Variants in WWC2 observed in about 807,000 individuals in gnomAD.
WWC2 encodes the protein protein WWC2.
WWC2 carries 101 observed loss-of-function variants against 138.5 expected under a neutral mutation model. That is an observed-to-expected ratio of 0.73 (90% CI 0.62 to 0.86). The LOEUF is 0.86. Ranked by LOEUF, WWC2 falls within the 40% of genes least tolerant of loss-of-function variation. The pLI, the probability that WWC2 is intolerant of heterozygous loss-of-function variation, is 0.00. For synonymous variants in WWC2, 558 were observed against 538.4 expected (o/e 1.04, Z -0.50); for missense variants, 1,420 against 1,419.4 (o/e 1.00, Z -0.01).
intron 4 of WWC2, among the ~76,000 whole-genome samples, 190 bp from the exon 5 acceptor site, chr4:183,239,993 C>G (rs887665464): frequency 6.6e-6 from 1 of 152,212 alleles, no homozygotes; most frequent in African/African-American, 2.4e-5. Flanking sequence ...ATACACATCA[C>G]TGATAGTTTT....
rs371427109 is a variant in WWC2, at chr4:183,208,154, G to A, written c.443G>A (p.Ser148Asn). 1.4e-5 allele frequency: 22 copies of A among 1,613,484 alleles called. No individual in the cohort carries two copies. Among genetic ancestry groups the A allele is most frequent in the Non-Finnish European group, 1.8e-5 (21 of 1,179,622 alleles). The change falls in exon 3 of 23, where the codon AGC (serine) becomes AAC (asparagine). Residue 148 changes from serine to asparagine, a missense_variant and splice_region_variant. Ser to Asn is a conservative substitution (Grantham distance 46). Coordinates refer to ENST00000403733, the MANE Select transcript of WWC2 (RefSeq NM_024949.6). Reference sequence around the variant, plus strand: ...AAGGAAAAGTCAAGTTCTCACACAAGCTGTAAGTACAGTGTGGCTATTCAG... The same window carrying A: ...AAGGAAAAGTCAAGTTCTCACACAAACTGTAAGTACAGTGTGGCTATTCAG... ...AYKEKSSSHT[S>N]LFSGSSSSTK...
At chr4:183,142,035 A>G (rs1179085633) in intron 1 of WWC2, among the ~76,000 whole-genome samples, 2 of 152,220 alleles carry the variant, frequency 1.3e-5, no homozygotes, top group East Asian at 3.8e-4. Flanking sequence ...AGCTATGGTA[A>G]TTGTTGAGGA....
chr4:183,144,565 C>T (rs1733395743), intron 1 of WWC2, among the ~76,000 whole-genome samples: 1 of 152,022 alleles, frequency 6.6e-6, no homozygotes, highest in Admixed American at 6.6e-5. Flanking sequence ...ATTGCTAAAT[C>T]GTTATTTTGA....
intron 1 of WWC2, among the ~76,000 whole-genome samples, chr4:183,178,719 A>G (rs895086728): frequency 2.8e-4 from 42 of 152,298 alleles, no homozygotes; most frequent in East Asian, 1.9e-3. Flanking sequence ...AGCTTGCTGC[A>G]TGGAAGCTCG....
At chr4:183,228,427 A>G (rs1462779449) in intron 4 of WWC2, among the ~76,000 whole-genome samples, 2 of 152,120 alleles carry the variant, frequency 1.3e-5, no homozygotes, top group African/African-American at 2.4e-5. Flanking sequence ...TATTTAATTA[A>G]TGTATACAAC....
chr4:183,285,201 G>C (rs1256415583), intron 19 of WWC2, among the ~76,000 whole-genome samples: 2 of 152,030 alleles, frequency 1.3e-5, no homozygotes, highest in Non-Finnish European at 2.9e-5. Context: ...CAGGGGGTTG[G>C]GGGTGATACG....
intron 1 of WWC2, among the ~76,000 whole-genome samples, chr4:183,147,808 A>G (rs1733505077): frequency 6.6e-6 from 1 of 152,360 alleles, no homozygotes; most frequent in African/African-American, 2.4e-5. Flanking sequence ...AAAACATAAA[A>G]GCATATCAAG....
At chr4:183,279,380 G>C (rs1213622194) in intron 16 of WWC2, among the ~76,000 whole-genome samples, 5 of 151,810 alleles carry the variant, frequency 3.3e-5, no homozygotes, top group African/African-American at 9.7e-5. Context: ...CGTTTTGCCA[G>C]TATTTTATTG....
At chr4:183,289,705 AC>A in intron 21 of WWC2, 70 bp downstream of exon 21, 9 of 1,558,288 alleles carry the variant, frequency 5.8e-6, no homozygotes, top group Non-Finnish European at 7.8e-6. Flanking sequence ...TGTAGAAGGT[AC>A]CCAACTTACA....
chr4:183,103,260 G>A (rs1743236875), intron 1 of WWC2, among the ~76,000 whole-genome samples: 1 of 151,526 alleles, frequency 6.6e-6, no homozygotes, highest in Non-Finnish European at 1.5e-5. Flanking sequence ...TATCATTGAT[G>A]TCACAGTTAA....
chr4:183,303,096 T>G (rs1369067769), intron 21 of WWC2, among the ~76,000 whole-genome samples: 1 of 151,274 alleles, frequency 6.6e-6, no homozygotes, highest in Non-Finnish European at 1.5e-5. Context: ...TGTGTATCTG[T>G]CAGATGGAGA....
chr4:183,260,617 A>G (rs541181395), intron 10 of WWC2, among the ~76,000 whole-genome samples: 8 of 152,232 alleles, frequency 5.3e-5, no homozygotes, highest in Non-Finnish European at 8.8e-5. Flanking sequence ...CCTGGGAGCA[A>G]TAGGCTATAC....
intron 1 of WWC2, among the ~76,000 whole-genome samples, chr4:183,102,996 C>T (rs1434190312): frequency 6.6e-6 from 1 of 151,810 alleles, no homozygotes; most frequent in Non-Finnish European, 1.5e-5. Flanking sequence ...GTTGGCTTTA[C>T]CAACTCCCAG....
chr4:183,160,085 C>A (rs534729013), intron 1 of WWC2, among the ~76,000 whole-genome samples: 1 of 152,168 alleles, frequency 6.6e-6, no homozygotes, highest in African/African-American at 2.4e-5. Context: ...TTATTAACTG[C>A]GTAAAGTACA....
intron 2 of WWC2, among the ~76,000 whole-genome samples, chr4:183,195,854 G>A (rs1735127240): frequency 6.6e-6 from 1 of 152,048 alleles, no homozygotes; most frequent in Non-Finnish European, 1.5e-5. Flanking sequence ...GGGCACCCGA[G>A]ACCCCACGAT....
chr4:183,176,220 A>G (rs765349423), intron 1 of WWC2, among the ~76,000 whole-genome samples: 1 of 152,190 alleles, frequency 6.6e-6, no homozygotes, highest in East Asian at 1.9e-4. Flanking sequence ...TAAAAATTCA[A>G]TCGTATGTTT....
At chr4:183,227,056 C>G (rs1736095610) in intron 4 of WWC2, among the ~76,000 whole-genome samples, 1 of 151,994 alleles carries the variant, frequency 6.6e-6, no homozygotes, top group Non-Finnish European at 1.5e-5. Context: ...GTCACTAAAC[C>G]TTCAGTGTAA....
chr4:183,222,609 G>A (rs1418458119), intron 4 of WWC2, among the ~76,000 whole-genome samples: 1 of 152,044 alleles, frequency 6.6e-6, no homozygotes, highest in Non-Finnish European at 1.5e-5. Context: ...GTAGGAGGGG[G>A]AACAAGAGAG....
At chr4:183,157,827 C>G (rs1416088502) in intron 1 of WWC2, among the ~76,000 whole-genome samples, 1 of 141,820 alleles carries the variant, frequency 7.1e-6, no homozygotes, top group African/African-American at 2.6e-5. Flanking sequence ...TTTTTTTTCA[C>G]TGTCTTCTGA....
Sources: allele counts gnomAD v4.1 joint callset (sites outside exome capture counted in the v4.1 genomes callset), GRCh38; gene constraint gnomAD v4.1.1; transcripts MANE v1.5; gene names NCBI Gene and HGNC (gene_info 2026-07-23, HGNC 2026-07-21).